ARAP2: variants seen among roughly 807,000 people sequenced by gnomAD.
The protein encoded by ARAP2 is ArfGAP with RhoGAP domain, ankyrin repeat and PH domain 2, also known as arf-GAP with Rho-GAP domain, ANK repeat and PH domain-containing protein 2.
ARAP2 carries 148 observed loss-of-function variants against 194.5 expected under a neutral mutation model. The observed-to-expected ratio is 0.76, with a 90% confidence interval of 0.67 to 0.87. ARAP2 has a LOEUF of 0.87. Ranked by LOEUF, ARAP2 falls within the 40% of genes least tolerant of loss-of-function variation. The probability of loss-of-function intolerance (pLI) is 0.00; values close to 1 mark genes in which losing one functional copy is unlikely to be tolerated. For synonymous variants in ARAP2, 695 were observed against 683.5 expected (o/e 1.02, Z -0.26); for missense variants, 2,128 against 1,989.7 (o/e 1.07, Z -1.32).
chr4:36,185,910 G>A (rs553228488), intron 8 of ARAP2, among the ~76,000 whole-genome samples: 172 of 151,796 alleles, frequency 1.1e-3, no homozygotes, highest in African/African-American at 3.5e-3. Flanking sequence ...CCCATGAGGC[G>A]GAGGTTGCAG....
chr4:36,054,251 C>T (rs1723138460), intron 2 of ARAP2, among the ~76,000 whole-genome samples: 2 of 152,076 alleles, frequency 1.3e-5, no homozygotes, highest in Admixed American at 1.3e-4. Context: ...TTTTATACCC[C>T]CAAAGTTTTC....
At chr4:36,052,950 C>G (rs1022252285) in intron 2 of ARAP2, among the ~76,000 whole-genome samples, 1 of 152,180 alleles carries the variant, frequency 6.6e-6, no homozygotes, top group Non-Finnish European at 1.5e-5. Flanking sequence ...TTATTTCTAT[C>G]CATTTAATGC....
chr4:36,198,554 C>T (rs893096901), intron 6 of ARAP2, among the ~76,000 whole-genome samples: 6 of 152,226 alleles, frequency 3.9e-5, no homozygotes, highest in African/African-American at 7.2e-5. Context: ...TTGACCTCAG[C>T]GCTTCCTTGG....
chr4:36,051,519 A>G (rs1011303340), intron 3 of ARAP2, among the ~76,000 whole-genome samples: 2 of 151,918 alleles, frequency 1.3e-5, no homozygotes. Context: ...ATAATAATAA[A>G]TAAATACATA....
intron 5 of ARAP2, among the ~76,000 whole-genome samples, chr4:36,041,794 T>C (rs185008078): frequency 3.9e-5 from 6 of 152,178 alleles, no homozygotes; most frequent in Admixed American, 2.6e-4. Context: ...TAATGACAGA[T>C]TGGATAAAGA....
At chr4:36,196,485 C>T (rs2109930682) in intron 6 of ARAP2, among the ~76,000 whole-genome samples, 1 of 152,258 alleles carries the variant, frequency 6.6e-6, no homozygotes, top group East Asian at 1.9e-4. Context: ...AAGATATTCT[C>T]CCAATTATTT....
At chr4:36,185,669 T>C (rs1560616520) in intron 8 of ARAP2, among the ~76,000 whole-genome samples, 1 of 152,120 alleles carries the variant, frequency 6.6e-6, no homozygotes, top group Non-Finnish European at 1.5e-5. Flanking sequence ...GTGAACACTC[T>C]TATCTGTAAA....
At chr4:36,055,103 T>A (rs1467346186) in intron 2 of ARAP2, among the ~76,000 whole-genome samples, 1 of 152,344 alleles carries the variant, frequency 6.6e-6, no homozygotes, top group East Asian at 1.9e-4. Flanking sequence ...TAAACAGCTC[T>A]AGTATTTTGA....
chr4:36,029,178 T>G (rs1205269654), intron 5 of ARAP2, among the ~76,000 whole-genome samples: 1 of 152,036 alleles, frequency 6.6e-6, no homozygotes, highest in East Asian at 1.9e-4. Flanking sequence ...TTTGTTAGCC[T>G]ATCTTGGACT....
rs570826359 is a variant in ARAP2 at position 36,171,816 on chromosome 4, A to C, written c.1858-4769T>G. ...AGTATCTATTTAAAACTTAATTACA[A>C]AAAAAAAGTCCTGTCCAAAAATAAC... is the stretch of plus-strand genomic sequence containing the variant. On this transcript the variant is annotated intron_variant, in intron 9 of 32. Coordinates refer to ENST00000303965, the MANE Select transcript of ARAP2 (RefSeq NM_015230.4). Among the ~76,000 whole-genome samples the C allele has an allele frequency of 3.3e-3, 506 of 151,678 alleles. 3 individuals are homozygous for C. The highest frequency in any genetic ancestry group is 0.012 in the African/African-American group (478 of 41,414).
rs904389805 is a variant in ARAP2 at position 36,224,237 on chromosome 4, GAATA to G, written c.905+4341_905+4344del. Among the ~76,000 whole-genome samples, 249 of 139,952 alleles carry G rather than the reference GAATA, an allele frequency of 1.8e-3. 2 individuals carry two copies. Among genetic ancestry groups the G allele is most frequent in the Admixed American group, 0.014 (196 of 14,056 alleles). 91.8% of individuals were successfully genotyped at this position (139,952 alleles called of 152,430 possible). On this transcript the variant is annotated intron_variant, in intron 2 of 32. Transcript: ENST00000303965. ...GTTAAAAATAAATAAATAAATAAAT[GAATA>G]AATAAATAAAAACAGTTCTCACAAT...
intron 5 of ARAP2, among the ~76,000 whole-genome samples, chr4:36,038,976 A>C (rs770034856): frequency 2.6e-5 from 4 of 152,236 alleles, no homozygotes; most frequent in Non-Finnish European, 5.9e-5. Flanking sequence ...AAAGGAGAAA[A>C]TAATGTGGCT....
At chr4:36,214,981 C>T (rs186771887) in intron 2 of ARAP2, among the ~76,000 whole-genome samples, 2 of 152,208 alleles carry the variant, frequency 1.3e-5, no homozygotes, top group African/African-American at 4.8e-5. Flanking sequence ...TTTCAAAGAT[C>T]TTACAGTCTC....
At chr4:36,243,333 T>A (rs555720389) in intron 1 of ARAP2, among the ~76,000 whole-genome samples, 4 of 126,826 alleles carry the variant, frequency 3.2e-5, no homozygotes, top group South Asian at 4.7e-4. Flanking sequence ...TGATTTTTTT[T>A]AAACCGAAGG....
intron 5 of ARAP2, among the ~76,000 whole-genome samples, chr4:36,044,192 T>C (rs1721425982): frequency 6.6e-6 from 1 of 152,126 alleles, no homozygotes; most frequent in African/African-American, 2.4e-5. Context: ...GGCCACTGAA[T>C]AAATGAGTTA....
At chr4:36,156,354 A>AGAGAGAGGGAGG (rs1553923175) in intron 15 of ARAP2, among the ~76,000 whole-genome samples, 13 of 41,396 alleles carry the variant, frequency 3.1e-4, no homozygotes, top group South Asian at 1.5e-3. Flanking sequence ...AGAGAGAGAG[A>AGAGAGAGGGAGG]GAGGGAGGGA....
intron 6 of ARAP2, among the ~76,000 whole-genome samples, chr4:36,197,487 T>C (rs1174402516): frequency 1.3e-5 from 2 of 152,250 alleles, no homozygotes; most frequent in Non-Finnish European, 2.9e-5. Context: ...AAACTACTGT[T>C]GCAGGATCCT....
At chr4:36,133,620 C>G (rs571769578) in intron 19 of ARAP2, among the ~76,000 whole-genome samples, 2 of 151,798 alleles carry the variant, frequency 1.3e-5, no homozygotes, top group East Asian at 3.9e-4. Context: ...TCCCTAGCCT[C>G]TTTTATTCTC....
chr4:36,063,256 A>T (rs781064954), downstream of ARAP2, among the ~76,000 whole-genome samples: 28 of 152,124 alleles, frequency 1.8e-4, no homozygotes, highest in Non-Finnish European at 3.5e-4. Context: ...GGAATTGAAC[A>T]ATGAGAACAC....
Sources: allele counts gnomAD v4.1 joint callset (sites outside exome capture counted in the v4.1 genomes callset), GRCh38; gene constraint gnomAD v4.1.1; transcripts MANE v1.5; gene names NCBI Gene and HGNC (gene_info 2026-07-23, HGNC 2026-07-21).